The following STXBP5L variants were observed in gnomAD, a reference collection of about 807,000 sequenced individuals.
STXBP5L encodes syntaxin-binding protein 5-like.
STXBP5L carries 65 observed loss-of-function variants against 144.5 expected under a neutral mutation model. The observed-to-expected ratio is 0.45, with a 90% CI of 0.37 to 0.55. STXBP5L has a LOEUF of 0.55. Ranked by LOEUF, STXBP5L falls within the 20% of genes least tolerant of loss-of-function variation. The pLI, the probability that STXBP5L is intolerant of heterozygous loss-of-function variation, is 0.00. For missense variants in STXBP5L, 1,298 were observed against 1,405.5 expected (o/e 0.92, Z 1.22); for synonymous variants, 505 against 469.6 (o/e 1.08, Z -0.97).
chr3:121,017,667 A>G (rs1945236670), intron 3 of STXBP5L, among the ~76,000 whole-genome samples: 1 of 152,240 alleles, frequency 6.6e-6, no homozygotes, highest in African/African-American at 2.4e-5. Context: ...ACACAGTACC[A>G]TTTACATTGG....
At chr3:120,975,733 A>T (rs1160068594) in intron 3 of STXBP5L, among the ~76,000 whole-genome samples, 2 of 152,138 alleles carry the variant, frequency 1.3e-5, no homozygotes, top group Non-Finnish European at 2.9e-5. Context: ...TACCTAATTT[A>T]TTGAGAGTTT....
chr3:121,153,891 A>G (rs1454028426), intron 8 of STXBP5L, among the ~76,000 whole-genome samples: 1 of 151,902 alleles, frequency 6.6e-6, no homozygotes, highest in African/African-American at 2.4e-5. Flanking sequence ...TCCTTTTGTT[A>G]TACAAATCAT....
chr3:121,027,099 G>T (rs185241980), intron 3 of STXBP5L, among the ~76,000 whole-genome samples: 1 of 151,438 alleles, frequency 6.6e-6, no homozygotes, highest in Non-Finnish European at 1.5e-5. Flanking sequence ...GTGTATATAT[G>T]TATATATATA....
chr3:121,050,814 A>G (rs1947915151), intron 5 of STXBP5L, among the ~76,000 whole-genome samples: 1 of 152,228 alleles, frequency 6.6e-6, no homozygotes, highest in Admixed American at 6.5e-5. Context: ...GTCAAGACCT[A>G]TCAGTGTGCT....
At position 121,011,954 on chromosome 3, in the gene STXBP5L, G is replaced by T. The variant is rs544112168; in HGVS notation, c.288-29746G>T. Among the ~76,000 whole-genome samples, 3 of 151,876 alleles carry T rather than the reference G, an allele frequency of 2.0e-5. No homozygotes were observed. The East Asian group carries it at 5.8e-4, about 29-fold the overall frequency. ...AAAGAAACTCTGTACCTATTAGACA[G>T]TCACTTTCTATTTTCTATTTCCCCC... On this transcript the variant is annotated intron_variant, in intron 3 of 26. Transcript: ENST00000471454.
chr3:121,142,932 GTTA>G (rs1233500188), intron 7 of STXBP5L, among the ~76,000 whole-genome samples: 1 of 151,508 alleles, frequency 6.6e-6, no homozygotes, highest in Non-Finnish European at 1.5e-5. Flanking sequence ...AAAACTGAGA[GTTA>G]TTATTTGAAA....
At chr3:121,038,497 A>G (rs1688676) in intron 3 of STXBP5L, among the ~76,000 whole-genome samples, 79,552 of 151,694 alleles carry the variant, frequency 0.52, 21,412 homozygotes, top group African/African-American at 0.62. Context: ...ATGCTTTGAT[A>G]CTTGTTTTAT....
At chr3:121,226,181 G>A (rs2049119163) in intron 11 of STXBP5L, among the ~76,000 whole-genome samples, 1 of 152,202 alleles carries the variant, frequency 6.6e-6, no homozygotes, top group Non-Finnish European at 1.5e-5. Flanking sequence ...CTTGCCATCT[G>A]TATAAATAAT....
rs754091711 is a variant in STXBP5L, at chr3:121,407,567, C to T, written c.2912C>T (p.Ala971Val). Residue 971 changes from alanine (A) to valine (V), a missense_variant, in exon 23 of 27, where the codon GCA becomes GTA. Coordinates refer to ENST00000471454, the MANE Select transcript of STXBP5L (RefSeq NM_001308330.2). Reference protein sequence around the residue: ...VVVMCSSACLACFCANGHIMI... With the variant: ...VVVMCSSACLVCFCANGHIMI... ...GTCATGTGTAGCAGTGCCTGCTTGG[C>T]ATGCTTTTGTGCTAACGGACATATC... The T allele has an allele frequency of 1.9e-6, 3 of 1,613,268 alleles. No individual in the cohort carries two copies. The East Asian group carries it at 6.7e-5, about 36-fold the overall frequency.
At chr3:121,069,162 TCTC>T in intron 5 of STXBP5L, among the ~76,000 whole-genome samples, 1 of 152,292 alleles carries the variant, frequency 6.6e-6, no homozygotes, top group African/African-American at 2.4e-5. Context: ...CATCCCTATC[TCTC>T]CTATTTCTAA....
chr3:121,107,962 T>C (rs1179286214), intron 5 of STXBP5L, among the ~76,000 whole-genome samples: 1 of 152,176 alleles, frequency 6.6e-6, no homozygotes, highest in African/African-American at 2.4e-5. Context: ...GTTATTTTAT[T>C]CTCTTTGTAG....
intron 25 of STXBP5L, among the ~76,000 whole-genome samples, chr3:121,417,323 T>C (rs2047261733): frequency 2.0e-5 from 3 of 152,176 alleles, no homozygotes. Context: ...TTATGTGAAT[T>C]ATATCTCAAT....
intron 20 of STXBP5L, among the ~76,000 whole-genome samples, chr3:121,344,696 T>C (rs2044880089): frequency 6.6e-6 from 1 of 151,794 alleles, no homozygotes; most frequent in African/African-American, 2.4e-5. Context: ...AATAAAAGAG[T>C]TAATAATTCT....
intron 3 of STXBP5L, among the ~76,000 whole-genome samples, chr3:120,975,283 G>C (rs1435651523): frequency 1.3e-5 from 2 of 152,048 alleles, no homozygotes; most frequent in Non-Finnish European, 2.9e-5. Context: ...GGATTCCTAG[G>C]TGTTTTATTC....
chr3:121,037,107 T>C (rs1946814077), intron 3 of STXBP5L, among the ~76,000 whole-genome samples: 1 of 151,966 alleles, frequency 6.6e-6, no homozygotes, highest in South Asian at 2.1e-4. Flanking sequence ...TTCAAAAATC[T>C]TATCTGTAGA....
chr3:121,004,214 CTT>C (rs1003281250), intron 3 of STXBP5L, among the ~76,000 whole-genome samples: 1 of 152,062 alleles, frequency 6.6e-6, no homozygotes, highest in African/African-American at 2.4e-5. Context: ...TTTGTATCCT[CTT>C]TTATTTCATC....
At chr3:121,277,323 C>T (rs2050915894) in intron 18 of STXBP5L, among the ~76,000 whole-genome samples, 1 of 151,982 alleles carries the variant, frequency 6.6e-6, no homozygotes, top group Non-Finnish European at 1.5e-5. Flanking sequence ...CCAAAGTTCC[C>T]ACCTCTTAAT....
intron 14 of STXBP5L, among the ~76,000 whole-genome samples, chr3:121,246,702 T>C (rs1328314498): frequency 1.3e-5 from 2 of 152,042 alleles, no homozygotes; most frequent in Admixed American, 1.3e-4. Flanking sequence ...CATCATTTGG[T>C]GAAGGGGTAA....
At chr3:120,947,412 A>G (rs558864104) in intron 2 of STXBP5L, among the ~76,000 whole-genome samples, 8 of 151,892 alleles carry the variant, frequency 5.3e-5, no homozygotes, top group Middle Eastern at 3.4e-3. Flanking sequence ...ACTTTGTCTC[A>G]TAATACGATT....
Sources: allele counts gnomAD v4.1 joint callset (sites outside exome capture counted in the v4.1 genomes callset), GRCh38; gene constraint gnomAD v4.1.1; transcripts MANE v1.5; gene names NCBI Gene and HGNC (gene_info 2026-07-23, HGNC 2026-07-21).